Variants in PLD5 observed in about 807,000 individuals in gnomAD.
The protein encoded by PLD5 is phospholipase D family member 5, also known as inactive phospholipase D5.
In PLD5, 36 loss-of-function variants were observed where a neutral mutation model predicts 61.1. That is an observed-to-expected ratio of 0.59 (90% confidence interval 0.45 to 0.78). The LOEUF (loss-of-function observed/expected upper bound fraction) is 0.78, where lower values mean the gene tolerates loss of function less well. Among genes scored for constraint, PLD5 ranks in the 30% least tolerant of loss-of-function variants. PLD5 has a pLI of 0.00. For synonymous variants in PLD5, 243 were observed against 242.8 expected, an observed-to-expected ratio of 1.00 and a Z score of -0.01; for missense variants, 515 against 644.4, an observed-to-expected ratio of 0.80 and a Z score of 2.17.
intron 2 of PLD5, among the ~76,000 whole-genome samples, chr1:242,310,172 A>G (rs1574709450): frequency 6.6e-6 from 1 of 152,258 alleles, no homozygotes; most frequent in African/African-American, 2.4e-5. Flanking sequence ...CAAGACTTAG[A>G]GGGTGCATTG....
At chr1:242,330,216 C>A (rs571257683) in intron 2 of PLD5, among the ~76,000 whole-genome samples, 2 of 152,148 alleles carry the variant, frequency 1.3e-5, no homozygotes, top group African/African-American at 4.8e-5. Flanking sequence ...CCATGAAGTA[C>A]AAATAGAACT....
chr1:242,503,808 G>A (rs1040547731), intron 1 of PLD5, among the ~76,000 whole-genome samples: 3 of 152,178 alleles, frequency 2.0e-5, no homozygotes, highest in Middle Eastern at 3.4e-3. Flanking sequence ...ATATGATGTC[G>A]GGAGCCGTTG....
At chr1:242,142,422 G>A (rs1014766547) in intron 5 of PLD5, among the ~76,000 whole-genome samples, 5 of 152,116 alleles carry the variant, frequency 3.3e-5, no homozygotes, top group Admixed American at 2.6e-4. Context: ...CTTACATGTG[G>A]CCTGTACAAA....
chr1:242,176,722 TAAAC>T (rs1194385009), intron 5 of PLD5, among the ~76,000 whole-genome samples: 2 of 152,014 alleles, frequency 1.3e-5, no homozygotes, highest in African/African-American at 2.4e-5. Flanking sequence ...ACAAAGAACT[TAAAC>T]AAATTTACAA....
rs549663643 is a variant in PLD5 at position 242,181,026 on chromosome 1, C to A, written c.735+38962G>T. 8.0e-4 allele frequency among the ~76,000 whole-genome samples: 122 copies of A among 152,106 alleles called. 2 individuals are homozygous for A. In the South Asian group the frequency reaches 0.016, roughly 20 times the overall value. On this transcript the variant is annotated intron_variant, in intron 5 of 9. Coordinates refer to ENST00000536534, the MANE Select transcript of PLD5 (RefSeq NM_001372062.1). ...CAAACAAACAAAAAAACACAAAAAA[C>A]CCCACAAATTTCCCAGGTGGTAAAG...
intron 6 of PLD5, among the ~76,000 whole-genome samples, chr1:242,123,972 C>T (rs1159891329): frequency 6.6e-6 from 1 of 152,152 alleles, no homozygotes; most frequent in Non-Finnish European, 1.5e-5. Flanking sequence ...TTGCCCCAAC[C>T]AGGTACAGCA....
intron 1 of PLD5, among the ~76,000 whole-genome samples, chr1:242,457,605 C>G (rs1317379402): frequency 6.6e-6 from 1 of 152,142 alleles, no homozygotes; most frequent in Non-Finnish European, 1.5e-5. Context: ...CATGCAACAA[C>G]AAGACAGAGA....
At chr1:242,478,232 C>G (rs1411865686) in intron 1 of PLD5, among the ~76,000 whole-genome samples, 1 of 152,142 alleles carries the variant, frequency 6.6e-6, no homozygotes. Context: ...CTCGAAAAGG[C>G]TCTGACCAAC....
intron 5 of PLD5, among the ~76,000 whole-genome samples, chr1:242,151,456 T>C (rs1009357877): frequency 6.6e-6 from 1 of 152,004 alleles, no homozygotes; most frequent in Non-Finnish European, 1.5e-5. Flanking sequence ...CGGAGTTTTT[T>C]CCCCCAGCAC....
rs559249752 is a variant in PLD5, at chr1:242,231,363, C to A, written c.608-11248G>T. Among the ~76,000 whole-genome samples the A allele has an allele frequency of 1.2e-4, 18 of 152,322 alleles. No individual in the cohort carries two copies. The South Asian group carries it at 3.1e-3, about 26-fold the overall frequency. ...ACGGAGAGAAGGCAGCCTCTTAGAG[C>A]CCAGCACAGTTGCAGTGCCAGGGAG... is the stretch of plus-strand genomic sequence containing the variant. On this transcript the variant is annotated intron_variant, in intron 4 of 9. Transcript: ENST00000536534.
chr1:242,421,996 A>C (rs540831582), intron 1 of PLD5, among the ~76,000 whole-genome samples: 1 of 152,248 alleles, frequency 6.6e-6, no homozygotes, highest in East Asian at 1.9e-4. Flanking sequence ...AAAGAGAAGG[A>C]GCGTGACTGA....
At chr1:242,156,891 T>A (rs530264393) in intron 5 of PLD5, among the ~76,000 whole-genome samples, 50 of 152,252 alleles carry the variant, frequency 3.3e-4, no homozygotes, top group African/African-American at 1.1e-3. Flanking sequence ...TGAATTTGAA[T>A]GTTGGCCTGT....
chr1:242,295,543 TGATA>T (rs1181448783), intron 2 of PLD5, among the ~76,000 whole-genome samples: 2 of 152,222 alleles, frequency 1.3e-5, no homozygotes, highest in African/African-American at 4.8e-5. Flanking sequence ...AGTGTACCAC[TGATA>T]GATACTTAGG....
At chr1:242,443,460 G>A (rs548203514) in intron 1 of PLD5, among the ~76,000 whole-genome samples, 1 of 152,246 alleles carries the variant, frequency 6.6e-6, no homozygotes, top group African/African-American at 2.4e-5. Flanking sequence ...GCACTTCATA[G>A]AGCCAGTAAG....
chr1:242,090,320 T>C (rs958666543), intron 9 of PLD5, among the ~76,000 whole-genome samples: 1 of 152,236 alleles, frequency 6.6e-6, no homozygotes, highest in African/African-American at 2.4e-5. Flanking sequence ...GGCATTTTCT[T>C]CAGCTTTGCT....
At chr1:242,343,663 T>C (rs371940410) in intron 2 of PLD5, among the ~76,000 whole-genome samples, 1 of 151,360 alleles carries the variant, frequency 6.6e-6, no homozygotes, top group South Asian at 2.1e-4. Flanking sequence ...CCCACTCTCC[T>C]GCAGACTTAT....
At chr1:242,340,164 T>C (rs1659750442) in intron 2 of PLD5, among the ~76,000 whole-genome samples, 1 of 152,198 alleles carries the variant, frequency 6.6e-6, no homozygotes, top group Admixed American at 6.5e-5. Flanking sequence ...CATCGCTATT[T>C]TTCATTTAGT....
At chr1:242,344,975 A>G (rs1660045660) in intron 2 of PLD5, among the ~76,000 whole-genome samples, 1 of 152,232 alleles carries the variant, frequency 6.6e-6, no homozygotes, top group Admixed American at 6.5e-5. Flanking sequence ...GCAAAAACAG[A>G]AACTCCTGAT....
At chr1:242,350,551 A>G (rs113648054) in intron 1 of PLD5, among the ~76,000 whole-genome samples, 1 of 152,194 alleles carries the variant, frequency 6.6e-6, no homozygotes, top group African/African-American at 2.4e-5. Context: ...CCAAAGCCAC[A>G]TGATTTCCTA....
Sources: gnomAD v4.1 joint callset for allele counts (sites outside exome capture counted in the v4.1 genomes callset) on GRCh38, gnomAD v4.1.1 for gene constraint, MANE v1.5 for transcripts, NCBI Gene and HGNC (gene_info 2026-07-23, HGNC 2026-07-21) for gene names.